UGT1A10: variants seen among roughly 807,000 people sequenced by gnomAD.
The protein encoded by UGT1A10 is UDP-glucuronosyltransferase 1A10.
Under a neutral mutation model 45.8 loss-of-function variants are expected in UGT1A10, and 49 were observed. The ratio of observed to expected loss-of-function variants is 1.07; its 90% CI spans 0.85 to 1.36. UGT1A10 has a LOEUF of 1.36. UGT1A10 is among the 40% of genes most tolerant of loss of function. The pLI, the probability that UGT1A10 is intolerant of heterozygous loss-of-function variation, is 0.00. For synonymous variants in UGT1A10, 284 were observed against 249.7 expected (o/e 1.14, Z -1.29); for missense variants, 745 against 668.6 (o/e 1.11, Z -1.26).
chr2:233,772,912 C>A lies in UGT1A10; in HGVS notation c.*353C>A. 2.6e-6 allele frequency: 1 copy of A among 388,966 alleles called. No individual in the cohort carries two copies. The highest frequency in any genetic ancestry group is 4.5e-6 in the Non-Finnish European group (1 of 221,770). The allele number at this position is 388,966 out of a possible 1,614,324, so 24.1% of individuals were successfully genotyped here. ...GGTGGTCCCACGGCTGCCCCTACTGCAAATGGCAGTTTTAATCTTATCTTT... is the reference window on the plus strand; with the variant it reads ...GGTGGTCCCACGGCTGCCCCTACTGAAAATGGCAGTTTTAATCTTATCTTT... On this transcript the variant is annotated 3_prime_UTR_variant, in exon 5 of 5. Coordinates refer to ENST00000344644, the MANE Select transcript of UGT1A10 (RefSeq NM_019075.4).
In UGT1A10 at chr2:233,636,786, G is replaced by T; in HGVS notation, c.264G>T (p.Arg88=). The change falls in exon 1 of 5, where the codon CGG becomes CGT. Residue 88 remains arginine (R), a synonymous_variant. Coordinates refer to ENST00000344644, the MANE Select transcript of UGT1A10 (RefSeq NM_019075.4). The stretch of plus-strand genomic sequence containing the variant: ...CGTACACTCTGGAAGATCAGAACCG[G>T]GAATTCATGGTTTTCGCCCATGCTC... ...STSYTLEDQN[R]EFMVFAHAQW... The T allele has an allele frequency of 6.2e-7, 1 of 1,614,132 alleles. No individual in the cohort carries two copies.
chr2:233,713,197 T>C (rs763203503), intron 1 of UGT1A10: 21 of 1,614,042 alleles, frequency 1.3e-5, no homozygotes, highest in South Asian at 8.8e-5. Flanking sequence ...AATATGTACA[T>C]CAAAGAAGAG....
In UGT1A10 at chr2:233,637,286, C is replaced by G. The variant is rs45574333; in HGVS notation, c.764C>G (p.Thr255Arg). The G allele has an allele frequency of 3.7e-5, 59 of 1,613,826 alleles. No homozygotes were observed. Among genetic ancestry groups the G allele is most frequent in the Non-Finnish European group, 4.8e-5 (57 of 1,179,868 alleles). Reference sequence around the variant, plus strand: ...CACACATCAATTTGGTTGTTGCGAACGGACTTTGTTTTGGACTATCCCAAA... The same window carrying G: ...CACACATCAATTTGGTTGTTGCGAAGGGACTTTGTTTTGGACTATCCCAAA... Reference protein sequence around the residue: ...YSHTSIWLLRTDFVLDYPKPV... With the variant: ...YSHTSIWLLRRDFVLDYPKPV... Residue 255 changes from threonine (T) to arginine (R), a missense_variant, in exon 1 of 5, where the codon ACG becomes AGG. Thr to Arg is a moderately conservative substitution (Grantham distance 71, BLOSUM62 -1). Transcript: ENST00000344644.
At chr2:233,684,767 A>C (rs1046318119) in intron 1 of UGT1A10, among the ~76,000 whole-genome samples, 1 of 152,300 alleles carries the variant, frequency 6.6e-6, no homozygotes, top group East Asian at 1.9e-4. Context: ...TCAGATCATA[A>C]AGAGTGCCCT....
chr2:233,644,140 A>G (rs1324010868), intron 1 of UGT1A10, among the ~76,000 whole-genome samples: 2 of 152,202 alleles, frequency 1.3e-5, no homozygotes, highest in East Asian at 3.9e-4. Context: ...TAAGAGTTGC[A>G]ATCTTTATGG....
At chr2:233,719,425 C>G in intron 1 of UGT1A10, 1 of 1,613,998 alleles carries the variant, frequency 6.2e-7, no homozygotes, top group Non-Finnish European at 8.5e-7. Context: ...ACGACCAATT[C>G]AGACCACATG....
intron 1 of UGT1A10, among the ~76,000 whole-genome samples, chr2:233,700,085 G>T (rs537360588): frequency 2.8e-4 from 42 of 152,322 alleles, no homozygotes; most frequent in African/African-American, 9.4e-4. Context: ...AAGGCCCCCA[G>T]CCTGGAGGTG....
chr2:233,735,494 C>T (rs1320863859), intron 1 of UGT1A10, among the ~76,000 whole-genome samples: 1 of 152,164 alleles, frequency 6.6e-6, no homozygotes, highest in Non-Finnish European at 1.5e-5. Flanking sequence ...TTAATTGCAG[C>T]ATTTAGCCCA....
At chr2:233,743,750 A>G in intron 1 of UGT1A10, 1 of 1,367,324 alleles carries the variant, frequency 7.3e-7, no homozygotes, top group Non-Finnish European at 9.8e-7. Flanking sequence ...GGCGTCCGAC[A>G]ACACCTCGTA....
intron 1 of UGT1A10, chr2:233,718,637 T>C (rs2125661399): frequency 6.9e-7 from 1 of 1,451,650 alleles, no homozygotes; most frequent in Non-Finnish European, 9.3e-7. Context: ...TTTCCCAGGG[T>C]TGGGCCCATA....
chr2:233,772,660 A>C lies in UGT1A10; in HGVS notation c.*101A>C. Reference sequence around the variant, plus strand: ...AAATTCATTTTATTCTTATTAAGGAAATACTTTGCATAAATTAATCAGCCC... The same window carrying C: ...AAATTCATTTTATTCTTATTAAGGACATACTTTGCATAAATTAATCAGCCC... On this transcript the variant is annotated 3_prime_UTR_variant, in exon 5 of 5. Transcript: ENST00000344644. 1 of 1,542,072 alleles carries C rather than the reference A, an allele frequency of 6.5e-7. No homozygotes were observed. The highest frequency in any genetic ancestry group is 8.7e-7 in the Non-Finnish European group (1 of 1,144,950).
chr2:233,736,380 T>C (rs544849081), intron 1 of UGT1A10, among the ~76,000 whole-genome samples: 2 of 152,342 alleles, frequency 1.3e-5, no homozygotes, highest in South Asian at 4.1e-4. Flanking sequence ...TAAGGTCTTC[T>C]CTACAGTGTT....
chr2:233,739,559 G>T (rs1322307786), intron 1 of UGT1A10, among the ~76,000 whole-genome samples: 1 of 152,224 alleles, frequency 6.6e-6, no homozygotes, highest in Non-Finnish European at 1.5e-5. Flanking sequence ...TTTAATGACT[G>T]CCCTGCCTGG....
At chr2:233,729,358 A>G in intron 1 of UGT1A10, 1 of 1,614,176 alleles carries the variant, frequency 6.2e-7, no homozygotes, top group Admixed American at 1.7e-5. Flanking sequence ...TTTCACCCTG[A>G]CAACCTATGC....
intron 1 of UGT1A10, chr2:233,713,262 C>T (rs776921440): frequency 1.6e-5 from 26 of 1,614,198 alleles, no homozygotes; most frequent in East Asian, 6.7e-5. Flanking sequence ...CGAATTTGAT[C>T]GCCTTTTGCT....
At chr2:233,730,860 C>A (rs1179282206) in intron 1 of UGT1A10, among the ~76,000 whole-genome samples, 1 of 152,164 alleles carries the variant, frequency 6.6e-6, no homozygotes, top group Non-Finnish European at 1.5e-5. Context: ...CAAACCCACC[C>A]TACTGCACTC....
intron 4 of UGT1A10, 141 bp from the exon 5 acceptor site, chr2:233,772,121 A>G (rs1700464969): frequency 3.3e-6 from 5 of 1,536,424 alleles, no homozygotes; most frequent in East Asian, 2.5e-5. Flanking sequence ...TCTAAAAACA[A>G]CAACAACAAC....
Position 233,713,826 on chromosome 2 carries a change from A to G in UGT1A10, c.856-53208A>G, listed in dbSNP as rs973354070. 6.2e-6 allele frequency: 10 copies of G among 1,613,990 alleles called. No individual in the cohort carries two copies. The African/African-American group carries it at 1.3e-4, about 22-fold the overall frequency. ...GCCCAACATGGTCTTCATTGGGGGC[A>G]TCAACTGTGCCAACGGGAAGCCACT... is the stretch of plus-strand genomic sequence containing the variant. On this transcript the variant is annotated intron_variant, in intron 1 of 4. Coordinates refer to ENST00000344644, the MANE Select transcript of UGT1A10 (RefSeq NM_019075.4).
At chr2:233,751,929 T>C (rs1393855329) in intron 1 of UGT1A10, among the ~76,000 whole-genome samples, 1 of 152,160 alleles carries the variant, frequency 6.6e-6, no homozygotes, top group South Asian at 2.1e-4. Flanking sequence ...TTGGTGGTGA[T>C]TGAAGTTATA....
Sources: allele counts gnomAD v4.1 joint callset (sites outside exome capture counted in the v4.1 genomes callset), GRCh38; gene constraint gnomAD v4.1.1; transcripts MANE v1.5; gene names NCBI Gene and HGNC (gene_info 2026-07-23, HGNC 2026-07-21).